The following LEMD3 variants were observed in gnomAD, a reference collection of about 807,000 sequenced individuals.
LEMD3 encodes inner nuclear membrane protein Man1.
A neutral mutation model predicts 95.2 loss-of-function variants in LEMD3; 33 were observed. The observed-to-expected ratio is 0.35, with a 90% CI of 0.26 to 0.46. The LOEUF (loss-of-function observed/expected upper bound fraction) is 0.46, where lower values mean the gene tolerates loss of function less well. Among genes scored for constraint, LEMD3 ranks in the 20% least tolerant of loss-of-function variants. The pLI is 1.00. For synonymous variants in LEMD3, 525 were observed against 474.6 expected (o/e 1.11, Z -1.38); for missense variants, 1,210 against 1,192.8 (o/e 1.01, Z -0.21).
chr12:65,204,769 A>G (rs989093060), intron 1 of LEMD3, among the ~76,000 whole-genome samples: 2 of 152,082 alleles, frequency 1.3e-5, no homozygotes, highest in Non-Finnish European at 2.9e-5. Flanking sequence ...CTTTTTCTCC[A>G]CACCTCGCCA....
Position 65,170,615 on chromosome 12 carries a change from C to G in LEMD3, c.1019C>G (p.Ala340Gly), listed in dbSNP as rs1235616255. 2 of 1,613,920 alleles carry G rather than the reference C, an allele frequency of 1.2e-6. No homozygotes were observed. The highest frequency in any genetic ancestry group is 1.3e-5 in the African/African-American group (1 of 74,900). ...CGAAACCTCGAAGAGGCGGCGGCCG[C>G]GGAGCAGGGAGGAGGGTGTGATCAA... ...RSRNLEEAAA[A>G]EQGGGCDQVD... The change falls in exon 1 of 13, where the codon GCG (alanine) becomes GGG (glycine). Residue 340 changes from alanine (A) to glycine (G), a missense_variant. By Grantham distance (60) the Ala-to-Gly change is moderately conservative. This residue lies in a region of LEMD3 where 749 missense variants were observed against 622.9 expected (regional missense o/e 1.20). Transcript: ENST00000308330.
rs985044575 is a variant in LEMD3 at position 65,247,142 on chromosome 12, T to C, written c.*817T>C. 2.0e-5 allele frequency: 3 copies of C among 152,598 alleles called. No individual in the cohort carries two copies. The highest frequency in any genetic ancestry group is 1.9e-4 in the East Asian group (1 of 5,202). 9.5% of individuals were successfully genotyped at this position (152,598 alleles called of 1,614,324 possible). ...AAGTATTAGATACAAGTTTAAAATA[T>C]CTTTTATAGGTTTTATATAAAAATG... On this transcript the variant is annotated 3_prime_UTR_variant, in exon 13 of 13. Transcript: ENST00000308330.
chr12:65,201,427 G>A (rs1869596951), intron 1 of LEMD3, among the ~76,000 whole-genome samples: 1 of 152,142 alleles, frequency 6.6e-6, no homozygotes, highest in Non-Finnish European at 1.5e-5. Context: ...CTTATCCATG[G>A]ACATGAACTA....
intron 4 of LEMD3, among the ~76,000 whole-genome samples, chr12:65,224,009 A>C (rs770260398): frequency 3.9e-5 from 6 of 151,908 alleles, no homozygotes; most frequent in Non-Finnish European, 7.4e-5. Context: ...ACTTTTTTAT[A>C]TCTCTCTTCA....
intron 4 of LEMD3, among the ~76,000 whole-genome samples, chr12:65,226,751 C>CTGTGAAT (rs1870460082): frequency 6.6e-6 from 1 of 152,170 alleles, no homozygotes; most frequent in African/African-American, 2.4e-5. Context: ...ACATGTTTCT[C>CTGTGAAT]TGTGAATGTG....
intron 4 of LEMD3, among the ~76,000 whole-genome samples, chr12:65,221,058 C>T (rs1211052858): frequency 6.6e-6 from 1 of 151,962 alleles, no homozygotes; most frequent in East Asian, 1.9e-4. Flanking sequence ...GCAAAAAATG[C>T]TATTGGGATT....
chr12:65,215,567 T>C (rs1430364589), intron 2 of LEMD3, among the ~76,000 whole-genome samples: 2 of 152,174 alleles, frequency 1.3e-5, no homozygotes, highest in Admixed American at 1.3e-4. Flanking sequence ...ACTCATTCCC[T>C]TAGTTTTATG....
chr12:65,212,703 A>G (rs978832387), intron 2 of LEMD3, among the ~76,000 whole-genome samples: 5 of 152,218 alleles, frequency 3.3e-5, no homozygotes, highest in Non-Finnish European at 7.3e-5. Flanking sequence ...ACACAATTAG[A>G]AAGTAGCTAA....
In LEMD3 at chr12:65,169,631, T is replaced by G; in HGVS notation, c.35T>G (p.Leu12Arg). 6.3e-7 allele frequency: 1 copy of G among 1,589,770 alleles called. No individual in the cohort carries two copies. The highest frequency in any genetic ancestry group is 8.5e-7 in the Non-Finnish European group (1 of 1,170,194). ...AAAAASAPQQ[L>R]SDEELFSQLR... ...GCAGCAGCTTCGGCGCCTCAGCAGC[T>G]CTCGGATGAGGAGCTTTTCTCTCAG... The change falls in exon 1 of 13, where the codon CTC becomes CGC. Residue 12 changes from leucine to arginine, a missense_variant. By Grantham distance (102) the Leu-to-Arg change is moderately radical. Around this residue, in one of 2 missense-constraint regions of LEMD3, gnomAD observed 749 missense variants for 622.9 expected, o/e 1.20. Coordinates refer to ENST00000308330, the MANE Select transcript of LEMD3 (RefSeq NM_014319.5).
At position 65,210,884 on chromosome 12, in the gene LEMD3, G is replaced by A. The variant is rs755157416; in HGVS notation, c.1523-42G>A. On this transcript the variant is annotated intron_variant, in intron 1 of 12. Coordinates refer to ENST00000308330, the MANE Select transcript of LEMD3 (RefSeq NM_014319.5). Reference sequence around the variant, plus strand: ...GAGTTTGTTTGGGGGATTTTAATTCGTAAGTGATGCTAATACTTGTCTTTT... The same window carrying A: ...GAGTTTGTTTGGGGGATTTTAATTCATAAGTGATGCTAATACTTGTCTTTT... 2.9e-5 allele frequency: 42 copies of A among 1,459,318 alleles called. No homozygotes were observed. In the African/African-American group the frequency reaches 2.9e-4, roughly 10 times the overall value. 90.4% of individuals were successfully genotyped at this position (1,459,318 alleles called of 1,614,324 possible). A position where few individuals can be genotyped will look rare whatever the true frequency, so the allele number is the denominator to read the frequency against.
At chr12:65,194,535 G>C (rs1869348355) in intron 1 of LEMD3, among the ~76,000 whole-genome samples, 1 of 151,720 alleles carries the variant, frequency 6.6e-6, no homozygotes. Flanking sequence ...GACCTGTTGA[G>C]TCAAGGGTCG....
At position 65,178,717 on chromosome 12, in the gene LEMD3, TG is replaced by T. The variant is rs568560479; in HGVS notation, c.1522+7600del. Among the ~76,000 whole-genome samples, 321 of 152,322 alleles carry T rather than the reference TG, an allele frequency of 2.1e-3. 1 individual carries two copies. Among genetic ancestry groups the T allele is most frequent in the African/African-American group, 7.5e-3 (310 of 41,574 alleles). On this transcript the variant is annotated intron_variant, in intron 1 of 12. Transcript: ENST00000308330. ...CCATTTTATAAGTAAATGGAGACAC[TG>T]AGAAGTAACTCGCCCAGGGTCATGT...
intron 1 of LEMD3, among the ~76,000 whole-genome samples, chr12:65,207,980 G>C (rs1272094609): frequency 2.0e-5 from 3 of 152,226 alleles, no homozygotes; most frequent in African/African-American, 7.2e-5. Flanking sequence ...TGGAGGAGAA[G>C]CATTGTGTGT....
chr12:65,247,317 T>C lies in LEMD3; in HGVS notation c.*992T>C, dbSNP rs949526949. The C allele has an allele frequency of 2.0e-5, 3 of 152,578 alleles. No individual in the cohort carries two copies. Among genetic ancestry groups the C allele is most frequent in the Non-Finnish European group, 2.9e-5 (2 of 68,002 alleles). 9.5% of individuals were successfully genotyped at this position (152,578 alleles called of 1,614,324 possible). Reference sequence around the variant, plus strand: ...ATACTAGGGCCATGACATAGTACCATTGGGGTTAAGTCATTTTCCCAATCT... The same window carrying C: ...ATACTAGGGCCATGACATAGTACCACTGGGGTTAAGTCATTTTCCCAATCT... On this transcript the variant is annotated 3_prime_UTR_variant, in exon 13 of 13. Coordinates refer to ENST00000308330, the MANE Select transcript of LEMD3 (RefSeq NM_014319.5).
At chr12:65,174,703 T>C (rs1197879402) in intron 1 of LEMD3, among the ~76,000 whole-genome samples, 3 of 152,146 alleles carry the variant, frequency 2.0e-5, no homozygotes, top group Non-Finnish European at 4.4e-5. Context: ...GAGTGTCTAC[T>C]ATGTGCCCGG....
At chr12:65,236,004 A>G (rs973232742) in intron 4 of LEMD3, among the ~76,000 whole-genome samples, 1 of 152,224 alleles carries the variant, frequency 6.6e-6, no homozygotes, top group East Asian at 1.9e-4. Context: ...AGTTTCATGT[A>G]ATGATGCCTA....
rs1462922570 is a variant in LEMD3 at position 65,239,066 on chromosome 12, T to C, written c.1921+252T>C. On this transcript the variant is annotated intron_variant, in intron 6 of 12. Transcript: ENST00000308330. ...AAAACAAGTGTGGTCAGTATATACA[T>C]AGAAATCTACTTTAGAAAGTAGAAT... Among the ~76,000 whole-genome samples, 3 of 152,148 alleles carry C rather than the reference T, an allele frequency of 2.0e-5. 1 individual carries two copies. The East Asian group carries it at 5.8e-4, about 29-fold the overall frequency.
intron 4 of LEMD3, among the ~76,000 whole-genome samples, chr12:65,233,601 A>T (rs1035862034): frequency 4.9e-5 from 7 of 142,518 alleles, no homozygotes; most frequent in African/African-American, 1.8e-4. Flanking sequence ...AGATCATCTC[A>T]CAGTTCACTA....
At chr12:65,207,342 G>A (rs1869795048) in intron 1 of LEMD3, among the ~76,000 whole-genome samples, 2 of 152,000 alleles carry the variant, frequency 1.3e-5, no homozygotes, top group African/African-American at 4.8e-5. Context: ...GATATGTGGC[G>A]ATATTGCAGT....
Sources: gnomAD v4.1 joint callset for allele counts (sites outside exome capture counted in the v4.1 genomes callset) on GRCh38, gnomAD v4.1.1 for gene constraint, gnomAD v4.1.1 regional missense constraint, MANE v1.5 for transcripts, NCBI Gene and HGNC (gene_info 2026-07-23, HGNC 2026-07-21) for gene names.